FAM50B: variants seen among roughly 807,000 people sequenced by gnomAD.
The protein encoded by FAM50B is protein FAM50B.
A neutral mutation model predicts 25.4 loss-of-function variants in FAM50B; 9 were observed. That is an observed-to-expected ratio of 0.35 (90% CI 0.21 to 0.62). FAM50B has a LOEUF of 0.62. FAM50B is among the 20% of genes least tolerant of loss of function. FAM50B has a pLI of 0.73. For synonymous variants in FAM50B, 212 were observed against 204.3 expected (o/e 1.04, Z -0.32); for missense variants, 372 against 477.9 (o/e 0.78, Z 2.07).
chr6:3,832,965 G>A, the FAM50B span, among the ~76,000 whole-genome samples: 1 of 151,938 alleles, frequency 6.6e-6, no homozygotes, highest in Admixed American at 6.6e-5. Flanking sequence ...AGGTTCAAGC[G>A]ATTCTCCCGT....
upstream of FAM50B, among the ~76,000 whole-genome samples, chr6:3,845,019 T>C (rs1762105913): frequency 6.6e-6 from 1 of 152,238 alleles, no homozygotes; most frequent in Admixed American, 6.5e-5. Context: ...TTTTTTGTTC[T>C]ATTTATTCTT....
upstream of FAM50B, among the ~76,000 whole-genome samples, chr6:3,847,489 G>T (rs1043531256): frequency 1.3e-5 from 2 of 152,218 alleles, no homozygotes; most frequent in Admixed American, 1.3e-4. Context: ...ACCTCTCTCA[G>T]CTTCACAGAA....
rs780824047 is a variant in FAM50B, at chr6:3,849,844, A to C, written c.33A>C (p.Ala11=). 2 of 1,612,674 alleles carry C rather than the reference A, an allele frequency of 1.2e-6. No individual in the cohort carries two copies. The highest frequency in any genetic ancestry group is 2.2e-5 in the South Asian group (2 of 91,034). Residue 11 remains alanine, a synonymous_variant, in exon 2 of 2, where the codon GCA becomes GCC. Coordinates refer to ENST00000648326, the MANE Select transcript of FAM50B (RefSeq NM_012135.3). ...AGTACAAGGGCACCATGCGCGAGGC[A>C]GGCCGTGCCATGCACCTCCTCAAGA... MAQYKGTMRE[A]GRAMHLLKKR... is the part of the protein sequence containing the mutation.
chr6:3,834,359 CAAAA>C, the FAM50B span, among the ~76,000 whole-genome samples: 2,353 of 75,048 alleles, frequency 0.031, 62 homozygotes, highest in African/African-American at 0.09. Context: ...TGATATATGG[CAAAA>C]AAAAAAAAAA....
chr6:3,834,504 T>C, the FAM50B span, among the ~76,000 whole-genome samples: 1 of 151,632 alleles, frequency 6.6e-6, no homozygotes, highest in Non-Finnish European at 1.5e-5. Context: ...TATAAATCAA[T>C]AAGAAAACAA....
the FAM50B span, among the ~76,000 whole-genome samples, chr6:3,842,125 C>T: frequency 2.0e-5 from 3 of 152,242 alleles, no homozygotes; most frequent in Admixed American, 6.5e-5. Flanking sequence ...ACCTGAACCA[C>T]CTGCTTTCAG....
chr6:3,842,705 G>C, the FAM50B span, among the ~76,000 whole-genome samples: 4 of 152,148 alleles, frequency 2.6e-5, no homozygotes, highest in African/African-American at 9.7e-5. Context: ...TGGGACACTC[G>C]CTACCTTCAC....
chr6:3,850,426 G>A lies in FAM50B; in HGVS notation c.615G>A (p.Lys205=), dbSNP rs1762199419. ...ACCGGCGCACGGTGCGGGTGCGCAA[G>A]GGCAACACGGTGCAGCAGTTCCTGA... ...SGHRRTVRVR[K]GNTVQQFLKK... The change falls in exon 2 of 2, where the codon AAG becomes AAA. Residue 205 remains lysine (K), a synonymous_variant. Transcript: ENST00000648326. The A allele has an allele frequency of 1.2e-6, 2 of 1,613,436 alleles. No homozygotes were observed. Among genetic ancestry groups the A allele is most frequent in the East Asian group, 4.5e-5 (2 of 44,846 alleles).
upstream of FAM50B, among the ~76,000 whole-genome samples, chr6:3,847,960 A>T (rs536358747): frequency 1.3e-5 from 2 of 152,346 alleles, no homozygotes; most frequent in East Asian, 3.9e-4. Flanking sequence ...AACATACATA[A>T]CATTTATCAG....
the FAM50B span, among the ~76,000 whole-genome samples, chr6:3,837,932 A>G: frequency 6.6e-6 from 1 of 152,208 alleles, no homozygotes; most frequent in South Asian, 2.1e-4. Context: ...ACCTCTCAAC[A>G]TTGCCACACT....
At chr6:3,846,751 C>T (rs1762128412), upstream of FAM50B, among the ~76,000 whole-genome samples, 1 of 152,192 alleles carries the variant, frequency 6.6e-6, no homozygotes, top group South Asian at 2.1e-4. Context: ...TTACTTTGCC[C>T]AGATCCATCA....
chr6:3,850,535 C>A lies in FAM50B; in HGVS notation c.724C>A (p.Leu242Ile). 1.2e-6 allele frequency: 2 copies of A among 1,614,002 alleles called. No individual in the cohort carries two copies. ...VEQLMFIKEDLILPHYHTFYD... is the reference protein window; with the variant it reads ...VEQLMFIKEDIILPHYHTFYD... ...GCAGCTCATGTTCATCAAGGAGGAC[C>A]TCATCCTGCCGCACTACCACACCTT... The change falls in exon 2 of 2, where the codon CTC (leucine) becomes ATC (isoleucine). Residue 242 changes from leucine to isoleucine, a missense_variant. Leu to Ile is a conservative substitution (Grantham distance 5). This residue lies in a region of FAM50B where 27 missense variants were observed against 61.6 expected (regional missense o/e 0.44). Transcript: ENST00000648326.
At chr6:3,845,258 T>A (rs962656862), upstream of FAM50B, among the ~76,000 whole-genome samples, 9 of 152,202 alleles carry the variant, frequency 5.9e-5, no homozygotes, top group Admixed American at 2.0e-4. Context: ...TGTTAAACTT[T>A]TCTGAGAATT....
chr6:3,848,990 G>A (rs918057235), upstream of FAM50B, among the ~76,000 whole-genome samples: 3 of 152,236 alleles, frequency 2.0e-5, no homozygotes, highest in African/African-American at 4.8e-5. Context: ...AGGAGGGTTG[G>A]AGAGCAGGGC....
At chr6:3,840,529 C>T in the FAM50B span, among the ~76,000 whole-genome samples, 1 of 152,108 alleles carries the variant, frequency 6.6e-6, no homozygotes, top group African/African-American at 2.4e-5. Flanking sequence ...CGGCATGTAA[C>T]AGAGTCCAGG....
chr6:3,838,931 A>G, the FAM50B span, among the ~76,000 whole-genome samples: 1 of 152,000 alleles, frequency 6.6e-6, no homozygotes, highest in Non-Finnish European at 1.5e-5. Flanking sequence ...TGACAATCAA[A>G]TGCATTATAC....
the FAM50B span, among the ~76,000 whole-genome samples, chr6:3,840,926 G>A: frequency 6.6e-6 from 1 of 152,222 alleles, no homozygotes; most frequent in African/African-American, 2.4e-5. Context: ...AGCTCAAAGT[G>A]TAACTAGGGA....
At position 3,849,473 on chromosome 6, in the gene FAM50B, G is replaced by C. The variant is rs1762169658; in HGVS notation, c.-37G>C. 1 of 246,614 alleles carries C rather than the reference G, an allele frequency of 4.1e-6. No individual in the cohort carries two copies. The highest frequency in any genetic ancestry group is 2.3e-5 in the African/African-American group (1 of 44,302). 15.3% of individuals were successfully genotyped at this position (246,614 alleles called of 1,614,324 possible). A position where few individuals can be genotyped will look rare whatever the true frequency, so the allele number is the denominator to read the frequency against. ...AGCTCCCGCGTGTCTCCGCTCGACAGGGTGCTTGGGCAGGTAAGGGTCCGC... is the reference window on the plus strand; with the variant it reads ...AGCTCCCGCGTGTCTCCGCTCGACACGGTGCTTGGGCAGGTAAGGGTCCGC... On this transcript the variant is annotated 5_prime_UTR_variant, in exon 1 of 2. Coordinates refer to ENST00000648326, the MANE Select transcript of FAM50B (RefSeq NM_012135.3).
rs1762217795 is a variant in FAM50B, at chr6:3,851,158, C to G, written c.*369C>G. On this transcript the variant is annotated 3_prime_UTR_variant, in exon 2 of 2. Transcript: ENST00000648326. ...GATTCCCGACACAGCCTCCTCCTTG[C>G]TGTGTAGTTTTGGGTAAGCTTATTA... 3.9e-6 allele frequency: 1 copy of G among 257,194 alleles called. No individual in the cohort carries two copies. Among genetic ancestry groups the G allele is most frequent in the African/African-American group, 2.3e-5 (1 of 44,254 alleles). 15.9% of individuals were successfully genotyped at this position (257,194 alleles called of 1,614,324 possible).
Sources: allele counts gnomAD v4.1 joint callset (sites outside exome capture counted in the v4.1 genomes callset), GRCh38; gene constraint gnomAD v4.1.1; regional missense constraint gnomAD v4.1.1; transcripts MANE v1.5; gene names NCBI Gene and HGNC (gene_info 2026-07-23, HGNC 2026-07-21).